The following COL16A1 variants were observed in gnomAD, a reference collection of about 807,000 sequenced individuals.
COL16A1 encodes the protein collagen type XVI alpha 1 chain, also known as collagen alpha-1(XVI) chain.
COL16A1 carries 189 observed loss-of-function variants against 266.3 expected under a neutral mutation model. The ratio of observed to expected loss-of-function variants is 0.71; its 90% CI spans 0.63 to 0.80. COL16A1 has a LOEUF of 0.80. Ranked by LOEUF, COL16A1 falls within the 30% of genes least tolerant of loss-of-function variation. The pLI is 0.00. For missense variants in COL16A1, 1,928 were observed against 2,122.4 expected (o/e 0.91, Z 1.80); for synonymous variants, 740 against 782.3 (o/e 0.95, Z 0.90).
At chr1:31,691,326 A>T in intron 19 of COL16A1, 91 bp downstream of exon 19, 1 of 1,587,906 alleles carries the variant, frequency 6.3e-7, no homozygotes, top group South Asian at 1.2e-5. Context: ...TCCCTGGGAC[A>T]GAGCCTTATC....
At chr1:31,690,470 C>T in intron 21 of COL16A1, 59 bp downstream of exon 21, 1 of 1,614,158 alleles carries the variant, frequency 6.2e-7, no homozygotes, top group Non-Finnish European at 8.5e-7. Flanking sequence ...AGGACCTAGC[C>T]CCTCCCTCCA....
chr1:31,667,762 C>T, intron 51 of COL16A1, 134 bp from the exon 52 acceptor site: 1 of 887,630 alleles, frequency 1.1e-6, no homozygotes, highest in South Asian at 1.5e-5. Context: ...CCGCTGGGTG[C>T]TCCAAAGCTG....
chr1:31,699,135 A>G (rs1457568408), intron 4 of COL16A1, among the ~76,000 whole-genome samples: 2 of 140,850 alleles, frequency 1.4e-5, no homozygotes, highest in Non-Finnish European at 2.9e-5. Context: ...ACAAACAAAC[A>G]AAAAACCCAC....
chr1:31,686,206 G>A (rs780977193), intron 27 of COL16A1, 38 bp downstream of exon 27: 2 of 1,614,128 alleles, frequency 1.2e-6, no homozygotes, highest in South Asian at 2.2e-5. Flanking sequence ...CTCCCACCTT[G>A]TCCTCTCCCA....
rs368722528 is a variant in COL16A1, at chr1:31,699,912, C to T, written c.167G>A (p.Arg56Gln). The T allele has an allele frequency of 2.3e-4, 363 of 1,613,228 alleles. No individual in the cohort carries two copies. The highest frequency in any genetic ancestry group is 2.9e-4 in the Non-Finnish European group (340 of 1,179,320). Reference protein sequence around the residue: ...ANVTGFNLIHRLSLMKTSAIK... With the variant: ...ANVTGFNLIHQLSLMKTSAIK... ...GGCAGACGTCTTCATGAGGCTGAGT[C>T]GGTGGATGAGGTTGAAGCCTTTGGG... The change falls in exon 4 of 71, where the codon CGA becomes CAA. Residue 56 changes from arginine (R) to glutamine (Q), a missense_variant. Arg to Gln is a conservative substitution (Grantham distance 43, BLOSUM62 1). This residue lies in a region of COL16A1 where 1,552 missense variants were observed against 1,637.2 expected (regional missense o/e 0.95). Transcript: ENST00000373672.
chr1:31,655,788 G>C (rs1220734560), intron 66 of COL16A1: 3 of 448,668 alleles, frequency 6.7e-6, no homozygotes, highest in Non-Finnish European at 1.2e-5. Flanking sequence ...GGTCCTGATC[G>C]TTCCTTCCTC....
At chr1:31,672,237 G>A (rs1331861189) in intron 47 of COL16A1, among the ~76,000 whole-genome samples, 179 bp downstream of exon 47, 1 of 152,166 alleles carries the variant, frequency 6.6e-6, no homozygotes, top group African/African-American at 2.4e-5. Flanking sequence ...GCACTGGGGA[G>A]AAAGAGTGTG....
chr1:31,665,203 G>A lies in COL16A1; in HGVS notation c.3524C>T (p.Ser1175Leu), dbSNP rs1642022190. Residue 1175 changes from serine to leucine, a missense_variant, in exon 56 of 71, where the codon TCA (serine) becomes TTA (leucine). Ser to Leu is a moderately radical substitution (Grantham distance 145). This residue lies in a region of COL16A1 where 1,552 missense variants were observed against 1,637.2 expected (regional missense o/e 0.95). Transcript: ENST00000373672. ...GPPGFPGKVG[S>L]PGPPGPQAEK... ...TGCTTGAGGGCCAGGTGGGCCAGGT[G>A]ATCCAACTTTGCCTGGGAATCCAGG... 1.2e-5 allele frequency: 19 copies of A among 1,599,866 alleles called. No homozygotes were observed. Among genetic ancestry groups the A allele is most frequent in the Non-Finnish European group, 1.6e-5 (19 of 1,176,302 alleles).
At position 31,665,599 on chromosome 1, in the gene COL16A1, C is replaced by G. The variant is rs752494612; in HGVS notation, c.3476G>C (p.Gly1159Ala). ...TTCACTCACCGGTGGGCCCGGAAAG[C>G]CTGGCTGGCCTTGAAATCCCTAGGG... Reference protein sequence around the residue: ...KGDQGFQGQPGFPGPPGPPGF... With the variant: ...KGDQGFQGQPAFPGPPGPPGF... The change falls in exon 55 of 71, where the codon GGC becomes GCC. Residue 1159 changes from glycine to alanine, a missense_variant. Physicochemically the swap from Gly to Ala is moderately conservative, Grantham distance 60. This residue lies in a region of COL16A1 where 1,552 missense variants were observed against 1,637.2 expected (regional missense o/e 0.95). Transcript: ENST00000373672. 6 of 1,614,014 alleles carry G rather than the reference C, an allele frequency of 3.7e-6. No homozygotes were observed. The East Asian group carries it at 6.7e-5, about 18-fold the overall frequency.
Position 31,700,026 on chromosome 1 carries a change from T to C in COL16A1, c.148+15A>G. On this transcript the variant is annotated intron_variant, in intron 3 of 70. Coordinates refer to ENST00000373672, the MANE Select transcript of COL16A1 (RefSeq NM_001856.4). ...AGGTTGCAGGGACGGCGCGATGAGA[T>C]GGTTGGGTGCTCACCAGTCACGTTG... 2 of 1,613,960 alleles carry C rather than the reference T, an allele frequency of 1.2e-6. No individual in the cohort carries two copies.
chr1:31,661,575 G>A (rs138394231), intron 59 of COL16A1, 85 bp downstream of exon 59: 4 of 1,612,028 alleles, frequency 2.5e-6, no homozygotes, highest in Non-Finnish European at 3.4e-6. Flanking sequence ...ACGGTCCACG[G>A]AGGATCTGGA....
intron 44 of COL16A1, among the ~76,000 whole-genome samples, chr1:31,673,542 T>A (rs1642921743): frequency 6.6e-6 from 1 of 152,246 alleles, no homozygotes; most frequent in Non-Finnish European, 1.5e-5. Flanking sequence ...CTGCTCACTT[T>A]CACTGCTCAC....
Position 31,652,520 on chromosome 1 carries a change from T to G in COL16A1, c.*131A>C. On this transcript the variant is annotated 3_prime_UTR_variant, in exon 71 of 71. Coordinates refer to ENST00000373672, the MANE Select transcript of COL16A1 (RefSeq NM_001856.4). The surrounding 1 kb of genome is among the most constrained non-coding windows in gnomAD (Gnocchi z 4.8). ...GCAGATAGTTTTGTTTCTTTATTATTTAAAAAATATTAACAGCAATTAAAA... is the reference window on the plus strand; with the variant it reads ...GCAGATAGTTTTGTTTCTTTATTATGTAAAAAATATTAACAGCAATTAAAA... 1 of 1,097,488 alleles carries G rather than the reference T, an allele frequency of 9.1e-7. No individual in the cohort carries two copies. 68.0% of individuals were successfully genotyped at this position (1,097,488 alleles called of 1,614,324 possible).
Position 31,670,677 on chromosome 1 carries a change from A to G in COL16A1, c.3151-31T>C. On this transcript the variant is annotated intron_variant, in intron 48 of 70. Transcript: ENST00000373672. The surrounding 1 kb of genome is among the most constrained non-coding windows in gnomAD (Gnocchi z 4.5). ...GGGAGAAACAGGCAGGTCACATCTC[A>G]CAGGCACAGTAACCCTGGGACAGCC... The G allele has an allele frequency of 7.3e-7, 1 of 1,372,648 alleles. No homozygotes were observed. The allele number at this position is 1,372,648 out of a possible 1,614,324, so 85.0% of individuals were successfully genotyped here. A position where few individuals can be genotyped will look rare whatever the true frequency, so the allele number is the denominator to read the frequency against.
Position 31,671,603 on chromosome 1 carries a change from A to T in COL16A1, c.3150+12T>A, listed in dbSNP as rs1453685188. ...AGCTTCTCAAGCAGACCAGGGCACC[A>T]CTGATACTTACGATAGGGCCTGGAG... On this transcript the variant is annotated intron_variant, in intron 48 of 70. Transcript: ENST00000373672. 1 of 1,613,954 alleles carries T rather than the reference A, an allele frequency of 6.2e-7. No individual in the cohort carries two copies. Among genetic ancestry groups the T allele is most frequent in the Non-Finnish European group, 8.5e-7 (1 of 1,180,000 alleles).
chr1:31,661,759 A>T, intron 58 of COL16A1, 55 bp from the exon 59 acceptor site: 1 of 1,553,738 alleles, frequency 6.4e-7, no homozygotes, highest in Non-Finnish European at 8.7e-7. Context: ...CTTGTATCCA[A>T]CTCATACCTC....
At chr1:31,654,884 T>C in intron 67 of COL16A1, 26 bp from the exon 68 acceptor site, 1 of 1,604,300 alleles carries the variant, frequency 6.2e-7, no homozygotes, top group Non-Finnish European at 8.5e-7. Flanking sequence ...AAAACCTGCC[T>C]CAATTATACT....
chr1:31,666,066 C>T lies in COL16A1; in HGVS notation c.3373G>A (p.Glu1125Lys), dbSNP rs745865843. ...EKGEPGPPGS[E>K]GLPGPPGPAG... ...GGGCCTGGGGGGCCTGGGAGGCCTT[C>T]AGATCCTGGGGGGCCCTAAGGATAC... The change falls in exon 53 of 71, where the codon GAA becomes AAA. Residue 1125 changes from glutamate to lysine, a missense_variant. Transcript: ENST00000373672. 9.3e-6 allele frequency: 15 copies of T among 1,612,258 alleles called. No individual in the cohort carries two copies. In the South Asian group the frequency reaches 1.5e-4, roughly 17 times the overall value.
rs1429765557 is a variant in COL16A1, at chr1:31,657,672, C to T, written c.4021-604G>A. 6.6e-6 allele frequency among the ~76,000 whole-genome samples: 1 copy of T among 152,216 alleles called. No homozygotes were observed. Among genetic ancestry groups the T allele is most frequent in the Non-Finnish European group, 1.5e-5 (1 of 68,038 alleles). ...CAGCCCCACGGTCACTGCTGCTGCCCCCCAGAAAAAGTCTGCGTTGATGGA... is the reference window on the plus strand; with the variant it reads ...CAGCCCCACGGTCACTGCTGCTGCCTCCCAGAAAAAGTCTGCGTTGATGGA... On this transcript the variant is annotated intron_variant, in intron 64 of 70. Coordinates refer to ENST00000373672, the MANE Select transcript of COL16A1 (RefSeq NM_001856.4). This position sits in a 1 kb window ranked among gnomAD's most constrained non-coding sequence, Gnocchi z 6.4.
Sources: gnomAD v4.1 joint callset for allele counts (sites outside exome capture counted in the v4.1 genomes callset) on GRCh38, gnomAD v4.1.1 for gene constraint, gnomAD v4.1.1 regional missense constraint, Gnocchi (gnomAD v3.1) non-coding constraint, MANE v1.5 for transcripts, NCBI Gene and HGNC (gene_info 2026-07-23, HGNC 2026-07-21) for gene names.